Variants in CDCP1 observed in about 807,000 individuals in gnomAD.
CDCP1 encodes the protein CUB domain-containing protein 1.
In CDCP1, 29 loss-of-function variants were observed where a neutral mutation model predicts 60.2. The observed-to-expected ratio is 0.48, with a 90% CI of 0.36 to 0.66. CDCP1 has a LOEUF of 0.66. CDCP1 is among the 30% of genes least tolerant of loss of function. CDCP1 has a pLI of 0.00. For missense variants in CDCP1, 876 were observed against 1,074.3 expected, an observed-to-expected ratio of 0.82 and a Z score of 2.58; for synonymous variants, 387 against 431.1, an observed-to-expected ratio of 0.90 and a Z score of 1.27.
At chr3:45,101,627 C>G (rs1436804873) in intron 4 of CDCP1, among the ~76,000 whole-genome samples, 2 of 152,160 alleles carry the variant, frequency 1.3e-5, no homozygotes, top group Non-Finnish European at 2.9e-5. Context: ...TGGTTCATGT[C>G]TGTAATCCCA....
In CDCP1 at chr3:45,085,857, C is replaced by T. The variant is rs201031979; in HGVS notation, c.2292G>A (p.Pro764=). 1.7e-5 allele frequency: 28 copies of T among 1,613,978 alleles called. No homozygotes were observed. The South Asian group carries it at 2.0e-4, about 11-fold the overall frequency. The change falls in exon 9 of 9, where the codon CCG becomes CCA. Residue 764 remains proline (P), a synonymous_variant. Transcript: ENST00000296129. This position sits in a 1 kb window ranked among gnomAD's most constrained non-coding sequence, Gnocchi z 4.2. ...GACAGACCCCCATGGTGCCCTGGAACGGCCGGTAGGTGTCCACCTCTGGCT... is the reference window on the plus strand; with the variant it reads ...GACAGACCCCCATGGTGCCCTGGAATGGCCGGTAGGTGTCCACCTCTGGCT... The part of the protein sequence containing the change: ...FLQPEVDTYR[P]FQGTMGVCPP...
intron 1 of CDCP1, among the ~76,000 whole-genome samples, chr3:45,125,178 A>G (rs73089355): frequency 0.015 from 2,344 of 152,296 alleles, 24 homozygotes; most frequent in Non-Finnish European, 0.023. Flanking sequence ...AAAGATGCCA[A>G]GATATGAAAA....
At chr3:45,126,106 C>CTT (rs1698978334) in intron 1 of CDCP1, among the ~76,000 whole-genome samples, 35 of 149,854 alleles carry the variant, frequency 2.3e-4, no homozygotes, top group Non-Finnish European at 3.4e-4. Context: ...CTTTGTCTCT[C>CTT]TCTCTTTCTT....
chr3:45,122,788 T>G lies in CDCP1; in HGVS notation c.83-4167A>C, dbSNP rs147589124. 3.3e-3 allele frequency among the ~76,000 whole-genome samples: 496 copies of G among 152,346 alleles called. 3 individuals carry two copies. Among genetic ancestry groups the G allele is most frequent in the African/African-American group, 0.011 (473 of 41,572 alleles). On this transcript the variant is annotated intron_variant, in intron 1 of 8. Transcript: ENST00000296129. ...ATTTTTTAAAGAATTTTGGAAATGA[T>G]GTATTCATTCGACAAACATTTTCTG... is the stretch of plus-strand genomic sequence containing the variant.
In CDCP1 at chr3:45,091,261, G is replaced by A. The variant is rs1453853873; in HGVS notation, c.1905C>T (p.Ser635=). The change falls in exon 7 of 9, where the codon AGC becomes AGT. Residue 635 remains serine (S), a synonymous_variant. Transcript: ENST00000296129. This position sits in a 1 kb window ranked among gnomAD's most constrained non-coding sequence, Gnocchi z 4.8. ...TGCAGTTAGAGATGTTGACCCAGAA[G>A]CTGTGATGGTGGAAGCTTGGCTTGG... ...VLPKPSFHHH[S]FWVNISNCSP... The A allele has an allele frequency of 3.1e-6, 5 of 1,614,038 alleles. No homozygotes were observed. The South Asian group carries it at 5.5e-5, about 18-fold the overall frequency.
intron 1 of CDCP1, among the ~76,000 whole-genome samples, chr3:45,141,753 A>T (rs1295032801): frequency 2.0e-5 from 3 of 152,216 alleles, no homozygotes; most frequent in Non-Finnish European, 4.4e-5. Flanking sequence ...GATGAAAATT[A>T]CAAGGTTGTG....
intron 1 of CDCP1, among the ~76,000 whole-genome samples, chr3:45,136,150 A>T (rs543003979): frequency 6.6e-6 from 1 of 152,286 alleles, no homozygotes; most frequent in African/African-American, 2.4e-5. Flanking sequence ...TCTTTTCAAG[A>T]CCTTCTGAGA....
intron 4 of CDCP1, among the ~76,000 whole-genome samples, chr3:45,101,705 G>A (rs533696725): frequency 1.3e-5 from 2 of 152,162 alleles, no homozygotes; most frequent in South Asian, 2.1e-4. Flanking sequence ...TGGCCAACAT[G>A]GTGAAACCCC....
chr3:45,093,759 G>A (rs1240155912), intron 5 of CDCP1, 102 bp from the exon 6 acceptor site: 1 of 1,362,564 alleles, frequency 7.3e-7, no homozygotes, highest in African/African-American at 1.5e-5. Flanking sequence ...ATGCTGCCCT[G>A]TGTTTCCCTT....
intron 8 of CDCP1, among the ~76,000 whole-genome samples, chr3:45,087,591 T>C (rs368466521): frequency 1.3e-5 from 2 of 152,326 alleles, no homozygotes; most frequent in East Asian, 3.9e-4. Flanking sequence ...CCATGTGTTA[T>C]AGGTACAGCC....
At position 45,086,083 on chromosome 3, in the gene CDCP1, G is replaced by A. The variant is rs1698188901; in HGVS notation, c.2082-16C>T. On this transcript the variant is annotated splice_polypyrimidine_tract_variant and intron_variant, in intron 8 of 8. Transcript: ENST00000296129. ...CTTCTTTTTCCTATTTGGAAAAATG[G>A]AACAAGACAGAAGTCAGAAAGGCAA... 6.2e-7 allele frequency: 1 copy of A among 1,608,230 alleles called. No individual in the cohort carries two copies.
intron 1 of CDCP1, 97 bp downstream of exon 1, chr3:45,146,109 T>G (rs1392819692): frequency 3.4e-6 from 4 of 1,173,326 alleles, no homozygotes; most frequent in Non-Finnish European, 4.8e-6. Flanking sequence ...CTCCGCACCC[T>G]CCGCACCCTG....
At chr3:45,106,834 T>G (rs1698574533) in intron 4 of CDCP1, among the ~76,000 whole-genome samples, 1 of 152,096 alleles carries the variant, frequency 6.6e-6, no homozygotes, top group Admixed American at 6.5e-5. Context: ...CCAGGAGATT[T>G]TCCTCTAGCA....
rs1261869141 is a variant in CDCP1, at chr3:45,091,103, G to A, written c.1993+70C>T. On this transcript the variant is annotated intron_variant, in intron 7 of 8. Transcript: ENST00000296129. This position sits in a 1 kb window ranked among gnomAD's most constrained non-coding sequence, Gnocchi z 4.8. ...ATCTGTGATTCTGACTTGTCTCCAG[G>A]CTTGCTCTCTATCCTCCAGCTGACA... 6.6e-7 allele frequency: 1 copy of A among 1,523,500 alleles called. No homozygotes were observed. Among genetic ancestry groups the A allele is most frequent in the East Asian group, 2.3e-5 (1 of 44,174 alleles). 94.4% of individuals were successfully genotyped at this position (1,523,500 alleles called of 1,614,324 possible).
intron 1 of CDCP1, among the ~76,000 whole-genome samples, chr3:45,126,108 C>CTCTCTTTCTTTCTT (rs1553610967): frequency 2.7e-5 from 3 of 110,010 alleles, no homozygotes; most frequent in Non-Finnish European, 3.7e-5. Context: ...TTGTCTCTCT[C>CTCTCTTTCTTTCTT]TCTTTCTTTC....
intron 3 of CDCP1, among the ~76,000 whole-genome samples, chr3:45,111,603 AG>A (rs1403873813): frequency 2.0e-5 from 3 of 152,208 alleles, no homozygotes; most frequent in Non-Finnish European, 4.4e-5. Flanking sequence ...TTGAACCTGG[AG>A]GTAGAGGTTG....
intron 4 of CDCP1, among the ~76,000 whole-genome samples, chr3:45,109,924 C>T (rs774571937): frequency 6.6e-6 from 1 of 152,168 alleles, no homozygotes; most frequent in Non-Finnish European, 1.5e-5. Context: ...TTGCTCTGCT[C>T]TTAACAAGCT....
At chr3:45,100,398 G>A (rs1207751208) in intron 4 of CDCP1, among the ~76,000 whole-genome samples, 1 of 152,224 alleles carries the variant, frequency 6.6e-6, no homozygotes, top group African/African-American at 2.4e-5. Flanking sequence ...TTGTTTGGCT[G>A]CTTGTTGGCA....
chr3:45,121,656 G>A (rs1284064293), intron 1 of CDCP1, among the ~76,000 whole-genome samples: 1 of 152,130 alleles, frequency 6.6e-6, no homozygotes, highest in Non-Finnish European at 1.5e-5. Context: ...AAGCAGAGCT[G>A]CATTGCCTAA....
Sources: allele counts gnomAD v4.1 joint callset (sites outside exome capture counted in the v4.1 genomes callset), GRCh38; gene constraint gnomAD v4.1.1; non-coding constraint Gnocchi (gnomAD v3.1); transcripts MANE v1.5; gene names NCBI Gene and HGNC (gene_info 2026-07-23, HGNC 2026-07-21).